The following PIK3C2G variants were observed in gnomAD, a reference collection of about 807,000 sequenced individuals.
PIK3C2G encodes the protein phosphatidylinositol 3-kinase C2 domain-containing subunit gamma.
PIK3C2G carries 168 observed loss-of-function variants against 181.1 expected under a neutral mutation model. That is an observed-to-expected ratio of 0.93 (90% CI 0.82 to 1.05). The LOEUF (loss-of-function observed/expected upper bound fraction) is 1.05, where lower values mean the gene tolerates loss of function less well. Ranked by LOEUF, PIK3C2G falls within the 50% of genes least tolerant of loss-of-function variation. PIK3C2G has a pLI of 0.00. For missense variants in PIK3C2G, 1,869 were observed against 1,732.8 expected (o/e 1.08, Z -1.40); for synonymous variants, 573 against 592.2 (o/e 0.97, Z 0.47).
intron 31 of PIK3C2G, among the ~76,000 whole-genome samples, chr12:18,620,132 A>AG (rs1300771723): frequency 2.0e-5 from 3 of 152,182 alleles, no homozygotes; most frequent in Non-Finnish European, 4.4e-5. Context: ...TGTTAAACGG[A>AG]GGGGTCTATG....
Position 18,282,354 on chromosome 12 carries a change from TA to T in PIK3C2G, c.277del (p.Ser93AlafsTer38). On this transcript the variant is annotated frameshift_variant, in exon 2 of 33. Coordinates refer to ENST00000538779, the MANE Select transcript of PIK3C2G (RefSeq NM_001288772.2). LOFTEE classifies it high-confidence loss of function. ...HQISLNEFTSKSRELSWHQVS... is the reference protein window; with the variant it reads ...HQISLNEFTSXSRELSWHQVS... ...AAATATCCTTGAATGAATTCACTTCTAAAAGCCGTGAACTCTCCTGGCATCA... is the reference window on the plus strand; with the variant it reads ...AAATATCCTTGAATGAATTCACTTCTAAAGCCGTGAACTCTCCTGGCATCA... The T allele has an allele frequency of 3.1e-6, 5 of 1,613,746 alleles. No individual in the cohort carries two copies. The highest frequency in any genetic ancestry group is 4.2e-6 in the Non-Finnish European group (5 of 1,179,738).
intron 18 of PIK3C2G, among the ~76,000 whole-genome samples, chr12:18,466,710 A>C (rs1409733892): frequency 6.6e-6 from 1 of 151,908 alleles, no homozygotes; most frequent in Non-Finnish European, 1.5e-5. Flanking sequence ...CGAAAGGTTC[A>C]ATAAATAGCA....
chr12:18,558,967 T>C (rs1360608782), intron 26 of PIK3C2G, among the ~76,000 whole-genome samples: 1 of 152,194 alleles, frequency 6.6e-6, no homozygotes, highest in Non-Finnish European at 1.5e-5. Flanking sequence ...ACCAGAATAG[T>C]ACCTGGCATA....
chr12:18,456,826 G>A lies in PIK3C2G; in HGVS notation c.2505-31623G>A, dbSNP rs557126066. On this transcript the variant is annotated intron_variant, in intron 18 of 32. Transcript: ENST00000538779. The stretch of plus-strand genomic sequence containing the variant: ...ATTTGGGGGCTGCTTTTTGTTAAAA[G>A]AGAAGCCTTACCAAGGACTCTTTTA... Among the ~76,000 whole-genome samples, 318 of 152,264 alleles carry A rather than the reference G, an allele frequency of 2.1e-3. 1 individual carries two copies. The highest frequency in any genetic ancestry group is 7.4e-3 in the African/African-American group (306 of 41,568).
At chr12:18,486,378 A>G (rs769878235) in intron 18 of PIK3C2G, among the ~76,000 whole-genome samples, 38 of 152,272 alleles carry the variant, frequency 2.5e-4, no homozygotes, top group Admixed American at 1.3e-4. Flanking sequence ...GCAAGGAATC[A>G]AACTGAGTTT....
At chr12:18,266,041 A>C (rs992023788) in intron 1 of PIK3C2G, among the ~76,000 whole-genome samples, 7 of 137,640 alleles carry the variant, frequency 5.1e-5, no homozygotes, top group South Asian at 2.3e-4. Flanking sequence ...AAAAAAAAAA[A>C]CACTACGCAA....
At chr12:18,403,536 A>G (rs1944366365) in intron 16 of PIK3C2G, among the ~76,000 whole-genome samples, 1 of 152,120 alleles carries the variant, frequency 6.6e-6, no homozygotes. Context: ...AGAGATCTAT[A>G]TTTTTCCTCC....
chr12:18,484,648 G>T (rs1939868868), intron 18 of PIK3C2G, among the ~76,000 whole-genome samples: 1 of 152,060 alleles, frequency 6.6e-6, no homozygotes, highest in African/African-American at 2.4e-5. Context: ...CTAAAAATGG[G>T]CTAGTCAGAA....
chr12:18,359,703 C>T (rs1941064515), intron 11 of PIK3C2G, among the ~76,000 whole-genome samples: 1 of 152,068 alleles, frequency 6.6e-6, no homozygotes, highest in Non-Finnish European at 1.5e-5. Context: ...ATTATACAAT[C>T]TCCTTCTCTT....
chr12:18,527,485 AT>A (rs2136203578), intron 24 of PIK3C2G, among the ~76,000 whole-genome samples: 1 of 152,206 alleles, frequency 6.6e-6, no homozygotes, highest in African/African-American at 2.4e-5. Flanking sequence ...GCTGTTCTTG[AT>A]TTTCACCTTC....
At chr12:18,714,495 G>C in the PIK3C2G span, among the ~76,000 whole-genome samples, 1 of 152,272 alleles carries the variant, frequency 6.6e-6, no homozygotes, top group Non-Finnish European at 1.5e-5. Context: ...AGAAAAATGT[G>C]ATCTAAAACG....
At chr12:18,432,391 G>A (rs1432322220) in intron 18 of PIK3C2G, among the ~76,000 whole-genome samples, 1 of 152,038 alleles carries the variant, frequency 6.6e-6, no homozygotes, top group Non-Finnish European at 1.5e-5. Context: ...AGGCCTTTGG[G>A]AACTGAGCTT....
At chr12:18,383,544 T>C (rs1452562949) in intron 14 of PIK3C2G, among the ~76,000 whole-genome samples, 2 of 152,148 alleles carry the variant, frequency 1.3e-5, no homozygotes, top group Non-Finnish European at 2.9e-5. Context: ...TATCCAGTCA[T>C]AAAGGAATGC....
chr12:18,427,980 G>T (rs1339659827), intron 18 of PIK3C2G, among the ~76,000 whole-genome samples: 2 of 152,004 alleles, frequency 1.3e-5, no homozygotes, highest in East Asian at 3.9e-4. Context: ...TGTTACATAG[G>T]TAAACATGTG....
chr12:18,546,113 T>C (rs1306997575), intron 25 of PIK3C2G, among the ~76,000 whole-genome samples: 1 of 151,942 alleles, frequency 6.6e-6, no homozygotes, highest in East Asian at 1.9e-4. Context: ...AGTGGTTCTT[T>C]TGTTATAGTT....
At chr12:18,369,122 T>C (rs1941847155) in intron 12 of PIK3C2G, among the ~76,000 whole-genome samples, 1 of 152,206 alleles carries the variant, frequency 6.6e-6, no homozygotes, top group Non-Finnish European at 1.5e-5. Flanking sequence ...GCCAGTAGAT[T>C]CTGTGTATTT....
intron 26 of PIK3C2G, 52 bp downstream of exon 26, chr12:18,546,484 CAT>C (rs1944435606): frequency 8.4e-6 from 8 of 948,640 alleles, no homozygotes; most frequent in Non-Finnish European, 1.2e-5. Flanking sequence ...TACGCAGACA[CAT>C]GTTCCACAGT....
chr12:18,712,978 A>G, the PIK3C2G span: 1 of 1,613,948 alleles, frequency 6.2e-7, no homozygotes, highest in South Asian at 1.1e-5. Flanking sequence ...GCATCCTTTC[A>G]CAAGGGCACT....
At chr12:18,292,603 C>T (rs932666475) in intron 4 of PIK3C2G, among the ~76,000 whole-genome samples, 4 of 152,018 alleles carry the variant, frequency 2.6e-5, no homozygotes, top group Admixed American at 2.6e-4. Flanking sequence ...CAGTTGCTGG[C>T]CACTATTAAA....
Sources: allele counts gnomAD v4.1 joint callset (sites outside exome capture counted in the v4.1 genomes callset), GRCh38; gene constraint gnomAD v4.1.1; transcripts MANE v1.5; gene names NCBI Gene and HGNC (gene_info 2026-07-23, HGNC 2026-07-21).